The following FNIP1 variants were observed in gnomAD, a reference collection of about 807,000 sequenced individuals.
The protein encoded by FNIP1 is folliculin interacting protein 1, also known as folliculin-interacting protein 1.
In FNIP1, 40 loss-of-function variants were observed where a neutral mutation model predicts 124.5. That is an observed-to-expected ratio of 0.32 (90% CI 0.25 to 0.42). The LOEUF (loss-of-function observed/expected upper bound fraction) is 0.42. Ranked by LOEUF, FNIP1 falls within the 10% of genes least tolerant of loss-of-function variation. FNIP1 has a pLI of 1.00. For synonymous variants in FNIP1, 472 were observed against 470.6 expected, an observed-to-expected ratio of 1.00 and a Z score of -0.04; for missense variants, 1,176 against 1,403.7, an observed-to-expected ratio of 0.84 and a Z score of 2.59.
At chr5:131,792,115 A>ATCATTTTGTC (rs975327712) in intron 1 of FNIP1, among the ~76,000 whole-genome samples, 1 of 151,440 alleles carries the variant, frequency 6.6e-6, no homozygotes, top group African/African-American at 2.4e-5. Context: ...AATTCTATAC[A>ATCATTTTGTC]TCATTTTGTC....
intron 11 of FNIP1, among the ~76,000 whole-genome samples, chr5:131,698,098 T>C (rs551533638): frequency 6.6e-6 from 1 of 152,188 alleles, no homozygotes; most frequent in South Asian, 2.1e-4. Context: ...AGATTATTAC[T>C]AAATTGAATT....
intron 11 of FNIP1, among the ~76,000 whole-genome samples, chr5:131,694,645 A>C (rs998492875): frequency 3.3e-5 from 5 of 152,228 alleles, no homozygotes; most frequent in African/African-American, 1.2e-4. Flanking sequence ...CGGTGAAATT[A>C]TTCTATATGA....
rs766868568 is a variant in FNIP1 at position 131,699,054 on chromosome 5, C to T, written c.1117-52G>A. ...ATTCTTATGTTAATCATGAGCAAAACATGGAAAAAAGTCTTTTTTAGACAG... is the reference window on the plus strand; with the variant it reads ...ATTCTTATGTTAATCATGAGCAAAATATGGAAAAAAGTCTTTTTTAGACAG... On this transcript the variant is annotated intron_variant, in intron 10 of 17. Coordinates refer to ENST00000510461, the MANE Select transcript of FNIP1 (RefSeq NM_133372.3). 3.4e-6 allele frequency: 5 copies of T among 1,486,228 alleles called. No homozygotes were observed. In the East Asian group the frequency reaches 1.2e-4, roughly 35 times the overall value. 92.1% of individuals were successfully genotyped at this position (1,486,228 alleles called of 1,614,324 possible).
At chr5:131,733,963 C>CA (rs973285202) in intron 2 of FNIP1, among the ~76,000 whole-genome samples, 5 of 152,056 alleles carry the variant, frequency 3.3e-5, no homozygotes, top group Admixed American at 6.6e-5. Flanking sequence ...TGGTCCTGGA[C>CA]TTTTTTTGAT....
intron 13 of FNIP1, 67 bp from the exon 14 acceptor site, chr5:131,672,991 T>C: frequency 8.4e-7 from 1 of 1,188,434 alleles, no homozygotes; most frequent in African/African-American, 1.5e-5. Context: ...CTATTTTTAA[T>C]GATCAGAAAC....
chr5:131,747,063 T>A (rs903381752), intron 1 of FNIP1, among the ~76,000 whole-genome samples: 3 of 152,210 alleles, frequency 2.0e-5, no homozygotes, highest in Admixed American at 6.5e-5. Flanking sequence ...TGTTGGCTGG[T>A]TGGATGTCTT....
intron 15 of FNIP1, among the ~76,000 whole-genome samples, chr5:131,656,250 G>A (rs956206064): frequency 2.6e-5 from 4 of 152,204 alleles, no homozygotes; most frequent in African/African-American, 4.8e-5. Context: ...GATATTACAA[G>A]AAAAACTTGA....
intron 15 of FNIP1, among the ~76,000 whole-genome samples, chr5:131,653,868 C>T (rs1291390298): frequency 2.0e-5 from 3 of 152,196 alleles, no homozygotes; most frequent in Admixed American, 6.5e-5. Flanking sequence ...CAGCCTCCTG[C>T]GTAGCTGGGA....
chr5:131,774,251 CTCTTGGCCTCAATCCATCCTCCCA>C (rs919106195), intron 1 of FNIP1, among the ~76,000 whole-genome samples: 2 of 152,198 alleles, frequency 1.3e-5, no homozygotes, highest in Non-Finnish European at 2.9e-5. Context: ...TGGTCTTGAA[CTCTTGGCCTCAATCCATCCTCCCA>C]TCTTGGCCTC....
chr5:131,751,561 T>G (rs1770872460), intron 1 of FNIP1, among the ~76,000 whole-genome samples: 1 of 149,758 alleles, frequency 6.7e-6, no homozygotes, highest in African/African-American at 2.5e-5. Context: ...GTGAATGGAT[T>G]CCACAATCTG....
At chr5:131,663,258 G>C (rs964187767) in intron 15 of FNIP1, among the ~76,000 whole-genome samples, 2 of 152,132 alleles carry the variant, frequency 1.3e-5, no homozygotes, top group Admixed American at 1.3e-4. Flanking sequence ...GTTAGAAATC[G>C]ACTTAATTAA....
At chr5:131,773,437 G>C (rs1018746884) in intron 1 of FNIP1, among the ~76,000 whole-genome samples, 1 of 152,128 alleles carries the variant, frequency 6.6e-6, no homozygotes, top group Non-Finnish European at 1.5e-5. Context: ...CTGTCAACTT[G>C]GATGGGGAAT....
rs371747662 is a variant in FNIP1 at position 131,657,783 on chromosome 5, CGGATCTTGCAACTTT to C, written c.3109-5799_3109-5785del. On this transcript the variant is annotated intron_variant, in intron 15 of 17. Transcript: ENST00000510461. ...ACGGTGGGTGAAGGCTTTCAAGATACGGATCTTGCAACTTTGGGAGGCCGAGGCAGGCGGATCACA... is the reference window on the plus strand; with the variant it reads ...ACGGTGGGTGAAGGCTTTCAAGATACGGGAGGCCGAGGCAGGCGGATCACA... 8.5e-3 allele frequency among the ~76,000 whole-genome samples: 1,055 copies of C among 124,510 alleles called. 17 individuals are homozygous for C. Among genetic ancestry groups the C allele is most frequent in the African/African-American group, 0.03 (975 of 32,926 alleles). 81.7% of individuals were successfully genotyped at this position (124,510 alleles called of 152,430 possible).
intron 1 of FNIP1, among the ~76,000 whole-genome samples, chr5:131,787,771 TC>T (rs1484629464): frequency 5.3e-5 from 8 of 152,198 alleles, no homozygotes; most frequent in African/African-American, 1.9e-4. Flanking sequence ...AGTCAAGACT[TC>T]TGAGTGTTTT....
chr5:131,687,348 C>T (rs182752874), intron 11 of FNIP1, among the ~76,000 whole-genome samples: 2 of 152,278 alleles, frequency 1.3e-5, no homozygotes, highest in East Asian at 3.9e-4. Flanking sequence ...TCAAATGATC[C>T]ACCTACCTTG....
At chr5:131,647,333 C>A in intron 16 of FNIP1, 128 bp from the exon 17 acceptor site, 1 of 664,020 alleles carries the variant, frequency 1.5e-6, no homozygotes, top group Non-Finnish European at 2.6e-6. Context: ...AAATTTGGAG[C>A]ACATTTTTAA....
At chr5:131,723,162 T>C (rs897820591) in intron 3 of FNIP1, among the ~76,000 whole-genome samples, 2 of 152,154 alleles carry the variant, frequency 1.3e-5, no homozygotes, top group African/African-American at 4.8e-5. Flanking sequence ...AATGATAAAA[T>C]AGCTATTTAA....
At chr5:131,673,052 T>TG (rs1458961176) in intron 13 of FNIP1, 128 bp from the exon 14 acceptor site, 4 of 251,946 alleles carry the variant, frequency 1.6e-5, no homozygotes, top group African/African-American at 7.7e-5. Flanking sequence ...CGTTTTTTTG[T>TG]TTTTTTTTTT....
intron 1 of FNIP1, among the ~76,000 whole-genome samples, chr5:131,791,357 G>A (rs898223103): frequency 1.3e-5 from 2 of 152,056 alleles, no homozygotes; most frequent in African/African-American, 4.8e-5. Context: ...AGAAGAATAA[G>A]GCTGATACCA....
Sources: allele counts gnomAD v4.1 joint callset (sites outside exome capture counted in the v4.1 genomes callset), GRCh38; gene constraint gnomAD v4.1.1; transcripts MANE v1.5; gene names NCBI Gene and HGNC (gene_info 2026-07-23, HGNC 2026-07-21).